DSCAM: variants seen among roughly 807,000 people sequenced by gnomAD.
The protein encoded by DSCAM is DS cell adhesion molecule, also known as cell adhesion molecule DSCAM.
Under a neutral mutation model 217.7 loss-of-function variants are expected in DSCAM, and 47 were observed. The ratio of observed to expected loss-of-function variants is 0.22; its 90% confidence interval spans 0.17 to 0.28. DSCAM has a LOEUF of 0.28. Ranked by LOEUF, DSCAM falls within the 10% of genes least tolerant of loss-of-function variation. DSCAM has a pLI of 1.00. For missense variants in DSCAM, 2,080 were observed against 2,618.3 expected, an observed-to-expected ratio of 0.79 and a Z score of 4.49; for synonymous variants, 1,056 against 1,015.3, an observed-to-expected ratio of 1.04 and a Z score of -0.76.
intron 3 of DSCAM, among the ~76,000 whole-genome samples, chr21:40,456,679 T>G (rs2075766487): frequency 1.5e-5 from 1 of 68,370 alleles, no homozygotes; most frequent in Admixed American, 1.6e-4. Flanking sequence ...AAAATTATTG[T>G]GAATACACAA....
Position 40,235,398 on chromosome 21 carries a change from C to T in DSCAM, c.2356+40699G>A, listed in dbSNP as rs376940288. The stretch of plus-strand genomic sequence containing the variant: ...AAATATGGAGGCATTTATTTTCTTT[C>T]GCTGTATGTTTAATTTGAAGAATGT... On this transcript the variant is annotated intron_variant, in intron 11 of 32. Transcript: ENST00000400454. 2.0e-5 allele frequency among the ~76,000 whole-genome samples: 3 copies of T among 152,208 alleles called. No individual in the cohort carries two copies. In the East Asian group the frequency reaches 5.8e-4, roughly 29 times the overall value.
chr21:40,206,037 C>G (rs1435102733), intron 11 of DSCAM, among the ~76,000 whole-genome samples: 1 of 152,206 alleles, frequency 6.6e-6, no homozygotes, highest in Admixed American at 6.5e-5. Flanking sequence ...TCTTAGAGAG[C>G]CTGGGATGCC....
chr21:40,624,158 G>A (rs980968467), intron 3 of DSCAM, among the ~76,000 whole-genome samples: 3 of 151,968 alleles, frequency 2.0e-5, no homozygotes, highest in East Asian at 1.9e-4. Flanking sequence ...TTTTTGTGCC[G>A]ATTCTCATTT....
At chr21:40,592,531 A>G (rs1179053774) in intron 3 of DSCAM, among the ~76,000 whole-genome samples, 3 of 152,028 alleles carry the variant, frequency 2.0e-5, no homozygotes, top group Non-Finnish European at 4.4e-5. Flanking sequence ...TTCACTGACC[A>G]CTTCCTTAAC....
chr21:40,439,435 CAT>C (rs1004832704), intron 3 of DSCAM, among the ~76,000 whole-genome samples: 1 of 152,122 alleles, frequency 6.6e-6, no homozygotes, highest in African/African-American at 2.4e-5. Flanking sequence ...TTAAGTGAAA[CAT>C]AGTTCTATAA....
intron 19 of DSCAM, among the ~76,000 whole-genome samples, chr21:40,129,870 C>A (rs1226279841): frequency 6.6e-6 from 1 of 152,158 alleles, no homozygotes; most frequent in East Asian, 1.9e-4. Flanking sequence ...GTATGTATGG[C>A]TCAAAGTATG....
At chr21:40,395,944 T>C (rs2075174951) in intron 3 of DSCAM, among the ~76,000 whole-genome samples, 1 of 152,112 alleles carries the variant, frequency 6.6e-6, no homozygotes, top group Non-Finnish European at 1.5e-5. Flanking sequence ...GTTCGGAATG[T>C]CAAATCTGAT....
At chr21:40,723,320 T>C (rs1015031928) in intron 1 of DSCAM, among the ~76,000 whole-genome samples, 2 of 152,154 alleles carry the variant, frequency 1.3e-5, no homozygotes, top group African/African-American at 4.8e-5. Flanking sequence ...GGCTCTTAGC[T>C]GGAACACTTC....
At chr21:40,176,981 C>A (rs1346601359) in intron 15 of DSCAM, among the ~76,000 whole-genome samples, 1 of 152,210 alleles carries the variant, frequency 6.6e-6, no homozygotes, top group African/African-American at 2.4e-5. Flanking sequence ...AAAGCAGGTG[C>A]AAAATGCACC....
intron 11 of DSCAM, among the ~76,000 whole-genome samples, chr21:40,208,881 A>T (rs1317245875): frequency 6.6e-6 from 1 of 152,214 alleles, no homozygotes; most frequent in Non-Finnish European, 1.5e-5. Context: ...AGGAAGATTA[A>T]GAAATTTTTG....
chr21:40,033,762 C>T (rs891246416), intron 32 of DSCAM, among the ~76,000 whole-genome samples: 6 of 151,500 alleles, frequency 4.0e-5, no homozygotes, highest in Admixed American at 2.0e-4. Context: ...GTAACCTCTG[C>T]AGACTCAAAT....
chr21:40,116,741 G>A (rs1486052168), intron 20 of DSCAM, among the ~76,000 whole-genome samples: 6 of 150,766 alleles, frequency 4.0e-5, no homozygotes, highest in African/African-American at 1.2e-4. Context: ...GGTGGCTCAC[G>A]CCTGTAATCC....
chr21:40,336,546 A>G (rs1003277010), intron 8 of DSCAM, among the ~76,000 whole-genome samples: 2 of 152,202 alleles, frequency 1.3e-5, no homozygotes, highest in African/African-American at 4.8e-5. Flanking sequence ...CAAATGATCA[A>G]CTTTTTATGT....
chr21:40,439,595 A>G (rs967156888), intron 3 of DSCAM, among the ~76,000 whole-genome samples: 6 of 152,216 alleles, frequency 3.9e-5, no homozygotes, highest in Non-Finnish European at 5.9e-5. Flanking sequence ...CTAAAGCCCA[A>G]TGCTTCCTTC....
chr21:40,273,415 CT>C (rs1181732773), intron 11 of DSCAM, among the ~76,000 whole-genome samples: 1 of 152,184 alleles, frequency 6.6e-6, no homozygotes, highest in Admixed American at 6.5e-5. Flanking sequence ...TATCATCTCT[CT>C]TTGAAGTGTG....
chr21:40,282,590 C>CAAAAAAAAAAA (rs528248714), intron 10 of DSCAM, among the ~76,000 whole-genome samples: 15 of 32,946 alleles, frequency 4.6e-4, no homozygotes, highest in African/African-American at 8.0e-4. Flanking sequence ...GACTCTGTCT[C>CAAAAAAAAAAA]AAAAAAAAAA....
rs568135565 is a variant in DSCAM, at chr21:40,089,937, T to A, written c.3851-2650A>T. Among the ~76,000 whole-genome samples, 1,295 of 152,288 alleles carry A rather than the reference T, an allele frequency of 8.5e-3. 20 individuals carry two copies. The highest frequency in any genetic ancestry group is 0.029 in the African/African-American group (1,207 of 41,566). On this transcript the variant is annotated intron_variant, in intron 21 of 32. Transcript: ENST00000400454. ...CACCATTTAGGATCATCAACCTCAA[T>A]TGAACTGTCAGCACTCCCTGCTGGT...
intron 3 of DSCAM, among the ~76,000 whole-genome samples, chr21:40,414,789 C>T (rs1191790032): frequency 2.0e-5 from 3 of 152,068 alleles, no homozygotes; most frequent in Non-Finnish European, 4.4e-5. Context: ...CCTAAGGCAA[C>T]AAAGTGTTCT....
intron 11 of DSCAM, among the ~76,000 whole-genome samples, chr21:40,192,994 C>T (rs1423735288): frequency 6.6e-6 from 1 of 152,180 alleles, no homozygotes; most frequent in Non-Finnish European, 1.5e-5. Context: ...TTTTGAGAAA[C>T]TGCCACACTG....
Sources: allele counts gnomAD v4.1 joint callset (sites outside exome capture counted in the v4.1 genomes callset), GRCh38; gene constraint gnomAD v4.1.1; transcripts MANE v1.5; gene names NCBI Gene and HGNC (gene_info 2026-07-23, HGNC 2026-07-21).